The following UBR4 variants were observed in gnomAD, a reference collection of about 807,000 sequenced individuals.
The protein encoded by UBR4 is E3 ubiquitin-protein ligase UBR4.
Under a neutral mutation model 575.6 loss-of-function variants are expected in UBR4, and 124 were observed. That is an observed-to-expected ratio of 0.22 (90% confidence interval 0.19 to 0.25). The LOEUF is 0.25. Ranked by LOEUF, UBR4 falls within the 10% of genes least tolerant of loss-of-function variation. The pLI is 1.00. For synonymous variants in UBR4, 2,455 were observed against 2,473.7 expected, an observed-to-expected ratio of 0.99 and a Z score of 0.22; for missense variants, 4,818 against 6,478.8, an observed-to-expected ratio of 0.74 and a Z score of 8.80.
rs1030620841 is a variant in UBR4, at chr1:19,157,732, T to C, written c.5760+83A>G. 12 of 1,530,944 alleles carry C rather than the reference T, an allele frequency of 7.8e-6. No homozygotes were observed. The African/African-American group carries it at 1.6e-4, about 21-fold the overall frequency. 94.8% of individuals were successfully genotyped at this position (1,530,944 alleles called of 1,614,324 possible). A position where few individuals can be genotyped will look rare whatever the true frequency, so the allele number is the denominator to read the frequency against. ...TGGACTTTTTCCCACAGAGGGCTAA[T>C]CCGAATGTGGTCATCAATTTGTTTT... On this transcript the variant is annotated intron_variant, in intron 40 of 105. Coordinates refer to ENST00000375254, the MANE Select transcript of UBR4 (RefSeq NM_020765.3). The surrounding 1 kb of genome is among the most constrained non-coding windows in gnomAD (Gnocchi z 4.4).
chr1:19,155,292 A>T, intron 43 of UBR4, 149 bp downstream of exon 43: 1 of 1,037,622 alleles, frequency 9.6e-7, no homozygotes, highest in Non-Finnish European at 1.4e-6. Flanking sequence ...TTAGGTAGAA[A>T]GTTAGATGGA....
At chr1:19,209,169 T>A (rs768932705) in intron 1 of UBR4, among the ~76,000 whole-genome samples, 6 of 152,238 alleles carry the variant, frequency 3.9e-5, no homozygotes, top group African/African-American at 4.8e-5. Context: ...TATACCCTTG[T>A]CATCGTGAAG....
chr1:19,174,520 C>T (rs1482742256), intron 21 of UBR4, 73 bp from the exon 22 acceptor site: 4 of 1,542,648 alleles, frequency 2.6e-6, no homozygotes, highest in African/African-American at 2.8e-5. Flanking sequence ...TACACTATCA[C>T]TTATCCTCAT....
At chr1:19,108,131 T>C (rs2079430268) in intron 81 of UBR4, among the ~76,000 whole-genome samples, 2 of 152,224 alleles carry the variant, frequency 1.3e-5, no homozygotes, top group South Asian at 2.1e-4. Context: ...ATTGAGACTA[T>C]ACCAAAACTC....
At chr1:19,141,626 C>T in intron 56 of UBR4, 21 bp downstream of exon 56, 1 of 1,612,932 alleles carries the variant, frequency 6.2e-7, no homozygotes, top group Non-Finnish European at 8.5e-7. Context: ...TCCTCCCCTT[C>T]TCCTGCTGCC....
chr1:19,200,975 C>A (rs1246973385), intron 2 of UBR4, among the ~76,000 whole-genome samples: 2 of 152,126 alleles, frequency 1.3e-5, no homozygotes, highest in Admixed American at 6.5e-5. Flanking sequence ...GAGACCCTGT[C>A]ACTATAAAAT....
intron 1 of UBR4, among the ~76,000 whole-genome samples, chr1:19,203,268 A>G (rs1444220783): frequency 6.6e-6 from 1 of 151,898 alleles, no homozygotes; most frequent in South Asian, 2.1e-4. Flanking sequence ...TGGGAGACAG[A>G]GGCTGGTGGA....
chr1:19,081,488 C>A lies in UBR4; in HGVS notation c.15094G>T (p.Val5032Leu). The change falls in exon 103 of 106, where the codon GTG becomes TTG. Residue 5032 changes from valine to leucine, a missense_variant. By Grantham distance (32) the Val-to-Leu change is conservative. Transcript: ENST00000375254. ...KEKWVESAFE[V>L]DGPYYFTVLA... Reference sequence around the variant, plus strand: ...ACTGTGAAATAGTAGGGCCCGTCCACTTCAAAGGCACTCTCCACCCACTTC... The same window carrying A: ...ACTGTGAAATAGTAGGGCCCGTCCAATTCAAAGGCACTCTCCACCCACTTC... 1 of 1,613,962 alleles carries A rather than the reference C, an allele frequency of 6.2e-7. No homozygotes were observed. Among genetic ancestry groups the A allele is most frequent in the South Asian group, 1.1e-5 (1 of 91,068 alleles).
At chr1:19,162,014 G>A (rs566133043) in intron 35 of UBR4, 117 bp from the exon 36 acceptor site, 88 of 1,158,204 alleles carry the variant, frequency 7.6e-5, no homozygotes, top group Admixed American at 1.8e-4. Flanking sequence ...CAAATGACCC[G>A]TGGAAATCTA....
rs1287712128 is a variant in UBR4, at chr1:19,187,144, A to G, written c.1632+20T>C. 4 of 1,580,254 alleles carry G rather than the reference A, an allele frequency of 2.5e-6. No homozygotes were observed. The African/African-American group carries it at 5.4e-5, about 21-fold the overall frequency. ...AATGAGACATTCTTCTAAATTATCA[A>G]TGGCTTAACTCCCACCCACCTTTCT... On this transcript the variant is annotated intron_variant, in intron 13 of 105. Coordinates refer to ENST00000375254, the MANE Select transcript of UBR4 (RefSeq NM_020765.3).
Position 19,093,272 on chromosome 1 carries a change from A to G in UBR4, c.14111+41T>C. The G allele has an allele frequency of 7.5e-6, 12 of 1,600,058 alleles. No homozygotes were observed. Among genetic ancestry groups the G allele is most frequent in the Non-Finnish European group, 9.4e-6 (11 of 1,172,620 alleles). On this transcript the variant is annotated intron_variant, in intron 96 of 105. Coordinates refer to ENST00000375254, the MANE Select transcript of UBR4 (RefSeq NM_020765.3). The surrounding 1 kb of genome is among the most constrained non-coding windows in gnomAD (Gnocchi z 4.8). ...GATGGAGAAGGAAAAGGAAAGGGCA[A>G]AGCGAAGGCAAAGCAGCCCCGCTGC...
rs1570643986 is a variant in UBR4, at chr1:19,114,159, A to G, written c.11203-89T>C. ...CTCACTGCTAACCATTTACCAGAAC[A>G]TTTCCTATAGGTCAGGCACTGTGTT... On this transcript the variant is annotated intron_variant, in intron 75 of 105. Transcript: ENST00000375254. 9 of 1,518,522 alleles carry G rather than the reference A, an allele frequency of 5.9e-6. No homozygotes were observed. In the East Asian group the frequency reaches 1.8e-4, roughly 31 times the overall value. The allele number at this position is 1,518,522 out of a possible 1,614,324, so 94.1% of individuals were successfully genotyped here.
At chr1:19,203,082 GA>G (rs1036984893) in intron 1 of UBR4, among the ~76,000 whole-genome samples, 25 of 136,390 alleles carry the variant, frequency 1.8e-4, no homozygotes, top group Admixed American at 3.6e-4. Flanking sequence ...CCGTCTCAGA[GA>G]AAAAAAAAAA....
At chr1:19,160,810 A>C in intron 38 of UBR4, 107 bp downstream of exon 38, 1 of 1,081,334 alleles carries the variant, frequency 9.2e-7, no homozygotes, top group South Asian at 1.4e-5. Flanking sequence ...AAAATGGGTA[A>C]AGGAGAAAAT....
intron 94 of UBR4, 76 bp downstream of exon 94, chr1:19,094,830 C>T (rs2077869602): frequency 1.3e-6 from 2 of 1,569,702 alleles, no homozygotes; most frequent in African/African-American, 2.7e-5. Flanking sequence ...AAGCCAGACA[C>T]AAACAGGCCT....
At position 19,210,110 on chromosome 1, in the gene UBR4, T is replaced by C. The variant is rs758278461; in HGVS notation, c.139A>G (p.Lys47Glu). 1.3e-6 allele frequency: 2 copies of C among 1,584,146 alleles called. No individual in the cohort carries two copies. Among genetic ancestry groups the C allele is most frequent in the Admixed American group, 1.8e-5 (1 of 57,030 alleles). ...GAGGCCACCAGCTGCGGCAACTCCT[T>C]CATCTCGAAGGCGGAGTAGGACGCG... is the stretch of plus-strand genomic sequence containing the variant. ...LSASYSAFEM[K>E]ELPQLVASVI... Residue 47 changes from lysine to glutamate, a missense_variant, in exon 1 of 106, where the codon AAG (lysine) becomes GAG (glutamate). By Grantham distance (56) the Lys-to-Glu change is moderately conservative. This residue lies in a region of UBR4 where 95 missense variants were observed against 87.7 expected (regional missense o/e 1.08). Transcript: ENST00000375254.
Position 19,156,750 on chromosome 1 carries a change from T to C in UBR4, c.5919+17A>G. The C allele has an allele frequency of 1.2e-6, 2 of 1,610,762 alleles. No individual in the cohort carries two copies. The highest frequency in any genetic ancestry group is 8.5e-7 in the Non-Finnish European group (1 of 1,177,452). On this transcript the variant is annotated intron_variant, in intron 41 of 105. Coordinates refer to ENST00000375254, the MANE Select transcript of UBR4 (RefSeq NM_020765.3). ...ATCCACAGCTCAAGGCAATCAAACC[T>C]AGATCCGGATTTTTACCTTTAGCCC... is the stretch of plus-strand genomic sequence containing the variant.
At chr1:19,193,203 A>G (rs958174245) in intron 9 of UBR4, among the ~76,000 whole-genome samples, 3 of 152,234 alleles carry the variant, frequency 2.0e-5, no homozygotes, top group African/African-American at 7.2e-5. Context: ...TTGCTGAATT[A>G]ATGGCTAATC....
rs746263411 is a variant in UBR4 at position 19,162,555 on chromosome 1, C to T, written c.4821G>A (p.Thr1607=). Reference sequence around the variant, plus strand: ...GACCATTACTCTGGCTCAGGGCATTCGTGACATCAGCCAAGTAAGACATGA... The same window carrying T: ...GACCATTACTCTGGCTCAGGGCATTTGTGACATCAGCCAAGTAAGACATGA... The part of the protein sequence containing the change: ...CHIMSYLADV[T]NALSQSNGQG... Residue 1607 remains threonine, a synonymous_variant, in exon 35 of 106, where the codon ACG becomes ACA. Transcript: ENST00000375254. 66 of 1,613,992 alleles carry T rather than the reference C, an allele frequency of 4.1e-5. No individual in the cohort carries two copies. Among genetic ancestry groups the T allele is most frequent in the Non-Finnish European group, 4.7e-5 (55 of 1,180,002 alleles).
Sources: allele counts gnomAD v4.1 joint callset (sites outside exome capture counted in the v4.1 genomes callset), GRCh38; gene constraint gnomAD v4.1.1; regional missense constraint gnomAD v4.1.1; non-coding constraint Gnocchi (gnomAD v3.1); transcripts MANE v1.5; gene names NCBI Gene and HGNC (gene_info 2026-07-23, HGNC 2026-07-21).